Variants in RIF1 observed in about 807,000 individuals in gnomAD.
RIF1 encodes replication timing regulatory factor 1, also known as telomere-associated protein RIF1.
RIF1 carries 45 observed loss-of-function variants against 247.1 expected under a neutral mutation model. That is an observed-to-expected ratio of 0.18 (90% CI 0.14 to 0.23). RIF1 has a LOEUF of 0.23. Ranked by LOEUF, RIF1 falls within the 10% of genes least tolerant of loss-of-function variation. The pLI is 1.00. For synonymous variants in RIF1, 1,087 were observed against 978.8 expected (o/e 1.11, Z -2.06); for missense variants, 2,967 against 2,862.5 (o/e 1.04, Z -0.83).
intron 21 of RIF1, among the ~76,000 whole-genome samples, chr2:151,452,216 A>T (rs1290114765): frequency 1.3e-5 from 2 of 152,218 alleles, no homozygotes; most frequent in African/African-American, 4.8e-5. Flanking sequence ...AATGATTAAA[A>T]TTGGACAATT....
intron 3 of RIF1, among the ~76,000 whole-genome samples, chr2:151,411,562 C>T (rs1390429068): frequency 1.3e-5 from 2 of 152,066 alleles, no homozygotes; most frequent in Non-Finnish European, 2.9e-5. Context: ...GCCACCGCCC[C>T]GGCTAATTTT....
chr2:151,496,273 T>C (rs1266459253), intron 10 of RIF1: 1 of 1,602,500 alleles, frequency 6.2e-7, no homozygotes, highest in East Asian at 2.2e-5. Context: ...TCTCGCCAAG[T>C]ACCGAGCTAA....
At chr2:151,445,184 C>T (rs2152403132) in intron 18 of RIF1, among the ~76,000 whole-genome samples, 154 bp from the exon 19 acceptor site, 1 of 152,308 alleles carries the variant, frequency 6.6e-6, no homozygotes, top group Non-Finnish European at 1.5e-5. Context: ...AATAAGACTA[C>T]ATGCGTAGGT....
chr2:151,511,912 A>G (rs1239772315), downstream of RIF1, among the ~76,000 whole-genome samples: 1 of 151,830 alleles, frequency 6.6e-6, no homozygotes, highest in East Asian at 1.9e-4. Flanking sequence ...GAGATTTTAC[A>G]TGTTAAAATA....
rs750342158 is a variant in RIF1 at position 151,464,634 on chromosome 2, T to C, written c.5114T>C (p.Ile1705Thr). Reference protein sequence around the residue: ...GESSKIGISDISSLSEKTFQT... With the variant: ...GESSKIGISDTSSLSEKTFQT... ...TCCTCAAAAATAGGGATATCAGATA[T>C]TTCTTCGCTTTCAGAAAAAACTTTT... is the stretch of plus-strand genomic sequence containing the variant. Residue 1705 changes from isoleucine (I) to threonine (T), a missense_variant, in exon 30 of 36, where the codon ATT becomes ACT. This residue lies in a region of RIF1 where 2,028 missense variants were observed against 1,825.6 expected (regional missense o/e 1.11). Transcript: ENST00000444746. 5 of 1,613,614 alleles carry C rather than the reference T, an allele frequency of 3.1e-6. 1 individual carries two copies. The highest frequency in any genetic ancestry group is 2.2e-5 in the South Asian group (2 of 90,970).
chr2:151,527,936 C>T, the RIF1 span, among the ~76,000 whole-genome samples: 8 of 152,154 alleles, frequency 5.3e-5, no homozygotes, highest in Non-Finnish European at 1.2e-4. Context: ...AATGATCAAA[C>T]ACTAGGTATT....
chr2:151,485,147 T>A (rs2049503382), downstream of RIF1, among the ~76,000 whole-genome samples: 2 of 152,366 alleles, frequency 1.3e-5, no homozygotes, highest in East Asian at 3.9e-4. Context: ...CAGATGTTCT[T>A]AAAACTGTAA....
the RIF1 span, among the ~76,000 whole-genome samples, chr2:151,522,028 T>C: frequency 6.6e-6 from 1 of 152,190 alleles, no homozygotes; most frequent in African/African-American, 2.4e-5. Context: ...CCATTAACCA[T>C]GGGAGCTAAG....
chr2:151,490,051 G>C, intron 9 of RIF1: 1 of 1,611,180 alleles, frequency 6.2e-7, no homozygotes, highest in Non-Finnish European at 8.5e-7. Context: ...TGTTGTGGGA[G>C]CTCTGTGGTT....
At chr2:151,448,275 C>T (rs1443576151) in intron 20 of RIF1, among the ~76,000 whole-genome samples, 1 of 152,092 alleles carries the variant, frequency 6.6e-6, no homozygotes, top group African/African-American at 2.4e-5. Flanking sequence ...AACTCCTGAC[C>T]TCAGGTGATT....
rs1421783063 is a variant in RIF1, at chr2:151,458,876, T to C, written c.2921T>C (p.Met974Thr). 6.2e-7 allele frequency: 1 copy of C among 1,612,696 alleles called. No individual in the cohort carries two copies. The highest frequency in any genetic ancestry group is 8.5e-7 in the Non-Finnish European group (1 of 1,179,086). The change falls in exon 25 of 36, where the codon ATG becomes ACG. Residue 974 changes from methionine (M) to threonine (T), a missense_variant. Physicochemically the swap from Met to Thr is moderately conservative, Grantham distance 81 (BLOSUM62 -1). This residue lies in a region of RIF1 where 2,028 missense variants were observed against 1,825.6 expected (regional missense o/e 1.11). Coordinates refer to ENST00000444746, the MANE Select transcript of RIF1 (RefSeq NM_018151.5). ...LLLPGLETVE[M>T]MEESSGPYSD... ...TTGCCTGGTTTGGAAACTGTTGAAA[T>C]GATGGAGGAATCCAGTGGACCATAT...
At chr2:151,508,046 C>T (rs758823305), downstream of RIF1, 7 of 1,611,180 alleles carry the variant, frequency 4.3e-6, no homozygotes, top group East Asian at 1.6e-4. Context: ...CTCTGTATCT[C>T]TGGGGTGTCC....
In RIF1 at chr2:151,498,243, C is replaced by G. The variant is rs373742185; in HGVS notation, c.*514-1102C>G. The stretch of plus-strand genomic sequence containing the variant: ...CTGAAGTTAAGTGGCATTTTTTCCC[C>G]TTTCTTTCCAAAATACCGAGCTAAG... On this transcript the variant is annotated intron_variant and NMD_transcript_variant, in intron 10 of 13. Transcript: ENST00000454583. 2.8e-4 allele frequency: 432 copies of G among 1,550,710 alleles called. 5 individuals carry two copies. In the South Asian group the frequency reaches 3.4e-3, roughly 12 times the overall value.
At chr2:151,474,792 A>T (rs2048849448) in intron 35 of RIF1, 65 bp from the exon 36 acceptor site, 3 of 918,202 alleles carry the variant, frequency 3.3e-6, no homozygotes, top group Non-Finnish European at 5.1e-6. Context: ...AACTTAAAAG[A>T]TCATGTAAAA....
intron 8 of RIF1, 134 bp downstream of exon 8, chr2:151,423,176 A>G (rs1019322493): frequency 1.7e-6 from 1 of 601,394 alleles, no homozygotes; most frequent in Admixed American, 3.8e-5. Flanking sequence ...CCTACTCACT[A>G]AAATTTATTT....
chr2:151,515,217 C>T, the RIF1 span, among the ~76,000 whole-genome samples: 1 of 152,170 alleles, frequency 6.6e-6, no homozygotes, highest in Non-Finnish European at 1.5e-5. Context: ...GATGCACCAT[C>T]AGGACTCTGA....
chr2:151,526,301 T>C, the RIF1 span: 7 of 1,338,232 alleles, frequency 5.2e-6, no homozygotes, highest in Non-Finnish European at 7.4e-6. Context: ...TTAGCTCTGC[T>C]GGATATCCTA....
At chr2:151,448,864 C>T (rs1693770985) in intron 20 of RIF1, among the ~76,000 whole-genome samples, 1 of 152,172 alleles carries the variant, frequency 6.6e-6, no homozygotes, top group African/African-American at 2.4e-5. Flanking sequence ...GGTTGACCCT[C>T]AGTTATCACC....
chr2:151,486,801 G>T (rs1484772344), downstream of RIF1: 1 of 152,170 alleles, frequency 6.6e-6, no homozygotes, highest in Non-Finnish European at 1.5e-5. Flanking sequence ...GTCTTAGGTA[G>T]CCAAATAATA....
Sources: allele counts gnomAD v4.1 joint callset (sites outside exome capture counted in the v4.1 genomes callset), GRCh38; gene constraint gnomAD v4.1.1; regional missense constraint gnomAD v4.1.1; transcripts MANE v1.5; gene names NCBI Gene and HGNC (gene_info 2026-07-23, HGNC 2026-07-21).